The following LRRC9 variants were observed in gnomAD, a reference collection of about 807,000 sequenced individuals.
The protein encoded by LRRC9 is leucine-rich repeat-containing protein 9.
LRRC9 carries 122 observed loss-of-function variants against 63.2 expected under a neutral mutation model. The observed-to-expected ratio is 1.93, with a 90% CI of 1.67 to 2.24. The LOEUF (loss-of-function observed/expected upper bound fraction) is 2.24, where lower values mean the gene tolerates loss of function less well. Among genes scored for constraint, LRRC9 ranks in the 30% most tolerant of loss-of-function variants. LRRC9 has a pLI of 0.00. For missense variants in LRRC9, 1,071 were observed against 627.7 expected (o/e 1.71, Z -7.55); for synonymous variants, 366 against 213.1 (o/e 1.72, Z -6.25).
chr14:59,993,111 C>T (rs1023286020), intron 17 of LRRC9, among the ~76,000 whole-genome samples: 12 of 152,298 alleles, frequency 7.9e-5, no homozygotes, highest in African/African-American at 1.4e-4. Context: ...GCTGATCTCT[C>T]GGCAGAAACT....
chr14:59,968,426 CATTCTATCTT>C (rs1167624981), intron 12 of LRRC9, among the ~76,000 whole-genome samples: 1 of 152,156 alleles, frequency 6.6e-6, no homozygotes, highest in Non-Finnish European at 1.5e-5. Flanking sequence ...TAAAATGGTA[CATTCTATCTT>C]ATGTATATTT....
At chr14:59,982,660 A>G (rs1887057125) in intron 16 of LRRC9, among the ~76,000 whole-genome samples, 2 of 152,226 alleles carry the variant, frequency 1.3e-5, no homozygotes, top group Admixed American at 6.5e-5. Flanking sequence ...TTTGGGGGAC[A>G]CATTGAAACT....
intron 7 of LRRC9, among the ~76,000 whole-genome samples, chr14:59,943,012 G>A (rs549748907): frequency 2.4e-5 from 3 of 123,640 alleles, no homozygotes; most frequent in Non-Finnish European, 3.4e-5. Flanking sequence ...TGGTTTTTTT[G>A]TATTTTGTTT....
chr14:60,032,685 G>A (rs1028793750), intron 29 of LRRC9, among the ~76,000 whole-genome samples: 1 of 152,150 alleles, frequency 6.6e-6, no homozygotes, highest in African/African-American at 2.4e-5. Context: ...AGCTTAGTGA[G>A]AAGTCAAAGG....
rs757861480 is a variant in LRRC9 at position 59,927,233 on chromosome 14, G to A, written c.-33-678G>A. Among the ~76,000 whole-genome samples, 1 of 151,746 alleles carries A rather than the reference G, an allele frequency of 6.6e-6. No individual in the cohort carries two copies. Among genetic ancestry groups the A allele is most frequent in the Non-Finnish European group, 1.5e-5 (1 of 67,848 alleles). ...TACTGTATACCATTTTCTAAATCTC[G>A]CTTTGTCAGTTCATTATATTAAAGG... On this transcript the variant is annotated intron_variant, in intron 1 of 31. Coordinates refer to ENST00000445360, the Ensembl canonical transcript of LRRC9. The surrounding 1 kb of genome is among the most constrained non-coding windows in gnomAD (Gnocchi z 4.4).
At chr14:60,002,472 G>A (rs1889460913) in intron 20 of LRRC9, among the ~76,000 whole-genome samples, 1 of 151,990 alleles carries the variant, frequency 6.6e-6, no homozygotes, top group Non-Finnish European at 1.5e-5. Context: ...CTATGAGTTT[G>A]ACTATTTTAG....
At chr14:60,008,246 C>A in intron 23 of LRRC9, 32 bp downstream of exon 23, 1 of 687,552 alleles carries the variant, frequency 1.5e-6, no homozygotes, top group South Asian at 1.5e-5. Context: ...AACATTTGGT[C>A]TAAGCTGCAT....
chr14:59,944,910 A>G (rs1882193933), intron 8 of LRRC9, among the ~76,000 whole-genome samples, 166 bp downstream of exon 8: 1 of 151,678 alleles, frequency 6.6e-6, no homozygotes, highest in Non-Finnish European at 1.5e-5. Context: ...CTGAATTTCA[A>G]GTTAAGCTTG....
At chr14:59,926,797 T>A (rs1011648340) in intron 1 of LRRC9, among the ~76,000 whole-genome samples, 3 of 152,152 alleles carry the variant, frequency 2.0e-5, no homozygotes, top group African/African-American at 4.8e-5. Context: ...TGTTTCTTTC[T>A]CATTCCACTT....
chr14:60,038,140 C>T (rs1384803756), intron 29 of LRRC9, among the ~76,000 whole-genome samples: 1 of 152,122 alleles, frequency 6.6e-6, no homozygotes, highest in Non-Finnish European at 1.5e-5. Context: ...TGTTTTGGTA[C>T]CAGTACTATG....
At chr14:60,044,496 T>G (rs954183469) in intron 29 of LRRC9, among the ~76,000 whole-genome samples, 1 of 152,186 alleles carries the variant, frequency 6.6e-6, no homozygotes, top group African/African-American at 2.4e-5. Flanking sequence ...ATGGTTTATT[T>G]CCATTTTCAT....
At chr14:60,050,656 C>T (rs564505042) in intron 29 of LRRC9, among the ~76,000 whole-genome samples, 1 of 152,174 alleles carries the variant, frequency 6.6e-6, no homozygotes, top group East Asian at 1.9e-4. Context: ...GGCACTCTGG[C>T]TTTTTGTGTT....
chr14:60,008,154 C>T, exon 23 of LRRC9: 2 of 701,704 alleles, frequency 2.9e-6, no homozygotes, highest in South Asian at 3.0e-5. Context: ...ATCAAGAAAA[C>T]TACCGGTTGT....
At chr14:60,006,497 G>A (rs764676224) in exon 22 of LRRC9, 6 of 701,686 alleles carry the variant, frequency 8.6e-6, no homozygotes, top group Admixed American at 2.0e-5. Flanking sequence ...ATCTTCACTC[G>A]CTTTCTCTTG....
chr14:60,051,398 C>T lies in LRRC9; in HGVS notation c.3991-1667C>T, dbSNP rs1233698883. Among the ~76,000 whole-genome samples the T allele has an allele frequency of 1.3e-5, 2 of 152,194 alleles. No homozygotes were observed. Among genetic ancestry groups the T allele is most frequent in the Non-Finnish European group, 2.9e-5 (2 of 68,046 alleles). On this transcript the variant is annotated intron_variant, in intron 29 of 31. Coordinates refer to ENST00000445360, the Ensembl canonical transcript of LRRC9. This position sits in a 1 kb window ranked among gnomAD's most constrained non-coding sequence, Gnocchi z 4.7. ...CAGGTGTGTTGCAGTTAGGGGGAAC[C>T]CTCCTCGTCCAGACCACCTGGACTC...
At chr14:59,989,127 G>A (rs1261648762) in intron 17 of LRRC9, among the ~76,000 whole-genome samples, 4 of 151,888 alleles carry the variant, frequency 2.6e-5, no homozygotes, top group African/African-American at 9.7e-5. Context: ...TTGTCTTGGT[G>A]TTGGTTGTTC....
rs1889655432 is a variant in LRRC9, at chr14:60,004,553, A to T, written c.2842+755A>T. On this transcript the variant is annotated intron_variant, in intron 21 of 31. Transcript: ENST00000445360. This position sits in a 1 kb window ranked among gnomAD's most constrained non-coding sequence, Gnocchi z 4.8. ...TTTTCTGAACCAGAGAGAATAAAAA[A>T]GACTTTTCCTCCCTTTCCCCTTCCA... 6.6e-6 allele frequency among the ~76,000 whole-genome samples: 1 copy of T among 152,078 alleles called. No homozygotes were observed. The highest frequency in any genetic ancestry group is 2.1e-4 in the South Asian group (1 of 4,828).
rs1324736262 is a variant in LRRC9, at chr14:59,938,810, A to G, written c.726+238A>G. 6.6e-6 allele frequency among the ~76,000 whole-genome samples: 1 copy of G among 150,798 alleles called. No homozygotes were observed. The highest frequency in any genetic ancestry group is 1.9e-4 in the East Asian group (1 of 5,174). ...AAATAATAGAATAATAATGTTTCTA[A>G]TCTATACAAAACAAGAAGGAAATTG... On this transcript the variant is annotated intron_variant, in intron 7 of 31. Coordinates refer to ENST00000445360, the Ensembl canonical transcript of LRRC9. The surrounding 1 kb of genome is among the most constrained non-coding windows in gnomAD (Gnocchi z 4.2).
chr14:59,981,119 T>G (rs935060892), intron 15 of LRRC9, among the ~76,000 whole-genome samples: 1 of 152,182 alleles, frequency 6.6e-6, no homozygotes, highest in African/African-American at 2.4e-5. Context: ...TATTTTTAAA[T>G]TATTTGTTTT....
Sources: allele counts gnomAD v4.1 joint callset (sites outside exome capture counted in the v4.1 genomes callset), GRCh38; gene constraint gnomAD v4.1.1; non-coding constraint Gnocchi (gnomAD v3.1); transcripts MANE v1.5; gene names NCBI Gene and HGNC (gene_info 2026-07-23, HGNC 2026-07-21).